BMS1: variants seen among roughly 807,000 people sequenced by gnomAD.
BMS1 encodes ribosome biogenesis protein BMS1 homolog.
A neutral mutation model predicts 138.7 loss-of-function variants in BMS1; 53 were observed. The ratio of observed to expected loss-of-function variants is 0.38; its 90% confidence interval spans 0.31 to 0.48. BMS1 has a LOEUF of 0.48. BMS1 is among the 20% of genes least tolerant of loss of function. BMS1 has a pLI of 0.97. For missense variants in BMS1, 1,360 were observed against 1,565.5 expected (o/e 0.87, Z 2.22); for synonymous variants, 504 against 539.9 (o/e 0.93, Z 0.92).
intron 21 of BMS1, among the ~76,000 whole-genome samples, chr10:42,824,444 T>G (rs1347338586): frequency 2.0e-5 from 3 of 152,204 alleles, no homozygotes; most frequent in Admixed American, 6.5e-5. Context: ...CCCTTTTCAT[T>G]TTGTTGGTTG....
intron 8 of BMS1, among the ~76,000 whole-genome samples, chr10:42,793,454 T>C (rs533403690): frequency 1.3e-5 from 2 of 152,180 alleles, no homozygotes; most frequent in South Asian, 2.1e-4. Flanking sequence ...CCAGCTTTCA[T>C]TGGTCTTTTT....
chr10:42,828,936 A>T (rs1436062250), intron 21 of BMS1, among the ~76,000 whole-genome samples: 1 of 152,202 alleles, frequency 6.6e-6, no homozygotes. Context: ...TGTAACAAGT[A>T]GATTTCTCTG....
intron 12 of BMS1, among the ~76,000 whole-genome samples, chr10:42,801,720 C>G (rs1236069655): frequency 6.6e-6 from 1 of 152,176 alleles, no homozygotes; most frequent in Non-Finnish European, 1.5e-5. Context: ...ATATAAGTCC[C>G]TTATCAGGTA....
intron 17 of BMS1, 102 bp from the exon 18 acceptor site, chr10:42,820,832 T>C (rs1327506126): frequency 5.9e-6 from 7 of 1,189,492 alleles, no homozygotes; most frequent in South Asian, 1.3e-5. Flanking sequence ...TTGGAGTATA[T>C]ATGTAAATCT....
Position 42,831,332 on chromosome 10 carries a change from T to C in BMS1, c.*236T>C. 1 of 452,196 alleles carries C rather than the reference T, an allele frequency of 2.2e-6. No individual in the cohort carries two copies. Among genetic ancestry groups the C allele is most frequent in the South Asian group, 4.4e-5 (1 of 22,672 alleles). The allele number at this position is 452,196 out of a possible 1,614,324, so 28.0% of individuals were successfully genotyped here. On this transcript the variant is annotated 3_prime_UTR_variant, in exon 23 of 23. Transcript: ENST00000374518. ...GTAAGCTGTGGTTATGTGGATTCTC[T>C]TACTTTCCTCTGCCTGCCTCAGTTT...
rs1293266721 is a variant in BMS1 at position 42,831,110 on chromosome 10, A to G, written c.*14A>G. ...CAATTGCAGTGAGCCTTTGGACTGGAGGGACTGTCCCTGGATCTGCGGAGG... is the reference window on the plus strand; with the variant it reads ...CAATTGCAGTGAGCCTTTGGACTGGGGGGACTGTCCCTGGATCTGCGGAGG... On this transcript the variant is annotated 3_prime_UTR_variant, in exon 23 of 23. Coordinates refer to ENST00000374518, the MANE Select transcript of BMS1 (RefSeq NM_014753.4). 6.4e-7 allele frequency: 1 copy of G among 1,553,124 alleles called. No homozygotes were observed. The highest frequency in any genetic ancestry group is 2.4e-5 in the East Asian group (1 of 41,392).
rs1437686710 is a variant in BMS1, at chr10:42,796,638, C to T, written c.1394C>T (p.Ala465Val). 1 of 1,614,076 alleles carries T rather than the reference C, an allele frequency of 6.2e-7. No individual in the cohort carries two copies. The highest frequency in any genetic ancestry group is 1.7e-5 in the Admixed American group (1 of 60,006). Residue 465 changes from alanine to valine, a missense_variant, in exon 10 of 23, where the codon GCA becomes GTA. Transcript: ENST00000374518. ...GAAAACGGCTCTAGTGATGAGGAAG[C>T]AGAAGAGGAGGAAAATGCTGAGATG... ...GLENGSSDEEAEEEENAEMTD... is the reference protein window; with the variant it reads ...GLENGSSDEEVEEEENAEMTD...
intron 21 of BMS1, among the ~76,000 whole-genome samples, chr10:42,825,780 C>A (rs1246146697): frequency 2.0e-4 from 31 of 151,740 alleles, no homozygotes; most frequent in Admixed American, 2.0e-3. Context: ...TTTTTCTCAT[C>A]TGATTGCTCT....
In BMS1 at chr10:42,790,171, T is replaced by C. The variant is rs1195800500; in HGVS notation, c.448-152T>C. The C allele has an allele frequency of 4.1e-6, 3 of 723,462 alleles. No individual in the cohort carries two copies. The East Asian group carries it at 7.6e-5, about 18-fold the overall frequency. 44.8% of individuals were successfully genotyped at this position (723,462 alleles called of 1,614,324 possible). On this transcript the variant is annotated intron_variant, in intron 4 of 22. Coordinates refer to ENST00000374518, the MANE Select transcript of BMS1 (RefSeq NM_014753.4). ...GTAGTGCACAGGCAGCCATAGACAA[T>C]ATGTAAATGAATTAATGTGGCTATG...
Position 42,832,725 on chromosome 10 carries a change from A to T in BMS1, c.*1629A>T, listed in dbSNP as rs1330787999. ...CCTGTCAGGGCTAGGTCCACCTGGG[A>T]AGTGACAATTGGAACACTCCCAGAC... On this transcript the variant is annotated 3_prime_UTR_variant, in exon 23 of 23. Transcript: ENST00000374518. 6.6e-6 allele frequency: 1 copy of T among 152,114 alleles called. No homozygotes were observed. The highest frequency in any genetic ancestry group is 1.5e-5 in the Non-Finnish European group (1 of 68,016). The allele number at this position is 152,114 out of a possible 1,614,324, so 9.4% of individuals were successfully genotyped here. A position where few individuals can be genotyped will look rare whatever the true frequency, so the allele number is the denominator to read the frequency against.
chr10:42,823,074 A>G lies in BMS1; in HGVS notation c.3133-44A>G, dbSNP rs752872652. The G allele has an allele frequency of 1.1e-5, 16 of 1,455,442 alleles. No homozygotes were observed. The Admixed American group carries it at 3.7e-4, about 34-fold the overall frequency. The allele number at this position is 1,455,442 out of a possible 1,614,324, so 90.2% of individuals were successfully genotyped here. On this transcript the variant is annotated intron_variant, in intron 19 of 22. Coordinates refer to ENST00000374518, the MANE Select transcript of BMS1 (RefSeq NM_014753.4). ...TGAAGTAAGAAGTAAAGCATAAAGT[A>G]TATGATTTTGTGTGTGTGTGTTTTT...
intron 22 of BMS1, among the ~76,000 whole-genome samples, 170 bp from the exon 23 acceptor site, chr10:42,830,696 A>G (rs1203638862): frequency 1.3e-5 from 2 of 152,056 alleles, no homozygotes; most frequent in East Asian, 3.9e-4. Flanking sequence ...TAAAGGTAAA[A>G]TGGGATCACA....
At chr10:42,797,884 G>T (rs1841739373) in intron 11 of BMS1, among the ~76,000 whole-genome samples, 1 of 151,926 alleles carries the variant, frequency 6.6e-6, no homozygotes, top group Non-Finnish European at 1.5e-5. Context: ...AACACATTTT[G>T]TTCTCCCTTT....
chr10:42,828,432 GCA>G (rs1165064823), intron 21 of BMS1, among the ~76,000 whole-genome samples: 1 of 152,124 alleles, frequency 6.6e-6, no homozygotes, highest in African/African-American at 2.4e-5. Flanking sequence ...GTACGGAGGG[GCA>G]CACACACTTC....
intron 13 of BMS1, among the ~76,000 whole-genome samples, chr10:42,805,217 T>G (rs1052894820): frequency 2.6e-5 from 4 of 152,194 alleles, no homozygotes; most frequent in Non-Finnish European, 5.9e-5. Flanking sequence ...TGATATCTAC[T>G]TTTCCCTGCA....
At chr10:42,830,833 A>C (rs1234465004) in intron 22 of BMS1, 33 bp from the exon 23 acceptor site, 1 of 1,570,326 alleles carries the variant, frequency 6.4e-7, no homozygotes, top group Non-Finnish European at 8.7e-7. Context: ...GTCTGAGAGC[A>C]TTCTGATACT....
At chr10:42,813,716 T>G (rs1290630225) in intron 13 of BMS1, among the ~76,000 whole-genome samples, 2 of 152,224 alleles carry the variant, frequency 1.3e-5, no homozygotes, top group African/African-American at 4.8e-5. Context: ...TGTAGCCATT[T>G]TTTTATTTTG....
chr10:42,816,415 G>C (rs929010322), intron 13 of BMS1, among the ~76,000 whole-genome samples, 184 bp from the exon 14 acceptor site: 3 of 152,210 alleles, frequency 2.0e-5, no homozygotes, highest in African/African-American at 7.2e-5. Context: ...TACCTAAACA[G>C]ATGATGAAAT....
chr10:42,799,496 C>A (rs1247476853), intron 12 of BMS1, among the ~76,000 whole-genome samples: 1 of 152,190 alleles, frequency 6.6e-6, no homozygotes, highest in African/African-American at 2.4e-5. Flanking sequence ...TCACTTCTCA[C>A]AGAGGCCCAA....
Sources: allele counts gnomAD v4.1 joint callset (sites outside exome capture counted in the v4.1 genomes callset), GRCh38; gene constraint gnomAD v4.1.1; transcripts MANE v1.5; gene names NCBI Gene and HGNC (gene_info 2026-07-23, HGNC 2026-07-21).